SKI: variants seen among roughly 807,000 people sequenced by gnomAD.
SKI encodes ski oncogene.
A neutral mutation model predicts 59.3 loss-of-function variants in SKI; 23 were observed. The observed-to-expected ratio is 0.39, with a 90% CI of 0.28 to 0.55. The LOEUF (loss-of-function observed/expected upper bound fraction) is 0.55, where lower values mean the gene tolerates loss of function less well. Among genes scored for constraint, SKI ranks in the 20% least tolerant of loss-of-function variants. SKI has a pLI of 0.67. For synonymous variants in SKI, 673 were observed against 488.6 expected (o/e 1.38, Z -4.98); for missense variants, 1,017 against 1,038.9 (o/e 0.98, Z 0.29).
intron 1 of SKI, among the ~76,000 whole-genome samples, chr1:2,265,488 C>G (rs957037691): frequency 6.6e-6 from 1 of 152,098 alleles, no homozygotes; most frequent in Non-Finnish European, 1.5e-5. Context: ...CTTTATTTTA[C>G]TCTTTTAAAT....
At chr1:2,236,360 G>C (rs897775943) in intron 1 of SKI, among the ~76,000 whole-genome samples, 7 of 152,170 alleles carry the variant, frequency 4.6e-5, no homozygotes, top group Non-Finnish European at 8.8e-5. Flanking sequence ...TTTATTGGCA[G>C]GTCCATTCTT....
chr1:2,306,421 C>A (rs566482349), intron 6 of SKI, among the ~76,000 whole-genome samples, 156 bp from the exon 7 acceptor site: 153 of 152,294 alleles, frequency 1.0e-3, no homozygotes, highest in Non-Finnish European at 1.9e-3. Flanking sequence ...CTGGGCCCTG[C>A]GTCTCGTGAG....
chr1:2,232,751 C>A (rs571561972), intron 1 of SKI: 1 of 152,506 alleles, frequency 6.6e-6, no homozygotes, highest in South Asian at 2.1e-4. Context: ...CCCACACTGG[C>A]TTTGTGACCT....
intron 1 of SKI, among the ~76,000 whole-genome samples, chr1:2,243,963 TC>T (rs989456372): frequency 3.3e-5 from 5 of 152,012 alleles, no homozygotes; most frequent in African/African-American, 1.2e-4. Context: ...AACTTTTCTT[TC>T]TTTCTTTCTT....
chr1:2,296,543 C>T (rs968962814), intron 1 of SKI, among the ~76,000 whole-genome samples: 2 of 152,148 alleles, frequency 1.3e-5, no homozygotes, highest in Non-Finnish European at 1.5e-5. Context: ...AATGGCTACT[C>T]GAATTCTCTC....
chr1:2,297,121 T>C (rs1320317686), intron 1 of SKI, among the ~76,000 whole-genome samples: 1 of 151,906 alleles, frequency 6.6e-6, no homozygotes, highest in Non-Finnish European at 1.5e-5. Context: ...AAAGTTTGTG[T>C]TTGGAGACAC....
intron 1 of SKI, among the ~76,000 whole-genome samples, chr1:2,246,161 A>G (rs1638990487): frequency 6.6e-6 from 1 of 152,208 alleles, no homozygotes; most frequent in Admixed American, 6.5e-5. Context: ...TCCCAGCAAC[A>G]GCGTTCGAGC....
At chr1:2,230,523 C>G (rs546446406) in intron 1 of SKI, among the ~76,000 whole-genome samples, 1 of 152,290 alleles carries the variant, frequency 6.6e-6, no homozygotes, top group East Asian at 1.9e-4. Flanking sequence ...GCTTTGGACT[C>G]ACCCATTTCC....
chr1:2,283,665 T>C (rs970672804), intron 1 of SKI, among the ~76,000 whole-genome samples: 4 of 152,180 alleles, frequency 2.6e-5, no homozygotes, highest in Non-Finnish European at 5.9e-5. Context: ...CCCAGGGGGC[T>C]TCAGGGAGCT....
intron 5 of SKI, 57 bp from the exon 6 acceptor site, chr1:2,305,963 G>T: frequency 7.6e-7 from 1 of 1,316,014 alleles, no homozygotes; most frequent in Non-Finnish European, 1.1e-6. Flanking sequence ...GCTGGTCATG[G>T]TGAGGGGTGT....
At chr1:2,263,550 TTA>T (rs1639432224) in intron 1 of SKI, among the ~76,000 whole-genome samples, 1 of 151,888 alleles carries the variant, frequency 6.6e-6, no homozygotes, top group Non-Finnish European at 1.5e-5. Context: ...ATTTTTGCAT[TTA>T]TATTCATGAG....
rs564592446 is a variant in SKI at position 2,296,110 on chromosome 1, C to T, written c.970-6868C>T. Among the ~76,000 whole-genome samples, 20 of 151,946 alleles carry T rather than the reference C, an allele frequency of 1.3e-4. No homozygotes were observed. The East Asian group carries it at 2.3e-3, about 18-fold the overall frequency. On this transcript the variant is annotated intron_variant, in intron 1 of 6. Transcript: ENST00000378536. ...CCAAACTAAAAAATTCTAGGCCAGG[C>T]GCTCATGCCTGTAGTCCCAGCAATT...
At chr1:2,247,050 G>A (rs887246502) in intron 1 of SKI, among the ~76,000 whole-genome samples, 3 of 152,118 alleles carry the variant, frequency 2.0e-5, no homozygotes, top group African/African-American at 7.2e-5. Context: ...GTGAAATCTC[G>A]TCTCTACTAA....
chr1:2,292,406 G>A (rs1033456208), intron 1 of SKI, among the ~76,000 whole-genome samples: 18 of 152,192 alleles, frequency 1.2e-4, no homozygotes, highest in African/African-American at 3.6e-4. Context: ...TGAGCAGTGG[G>A]GTGACCCTTC....
chr1:2,292,627 C>G (rs1050305642), intron 1 of SKI, among the ~76,000 whole-genome samples: 1 of 152,206 alleles, frequency 6.6e-6, no homozygotes, highest in Non-Finnish European at 1.5e-5. Flanking sequence ...TCATCACCCA[C>G]AGGTCCTTTT....
chr1:2,301,042 C>T (rs534101330), intron 1 of SKI, among the ~76,000 whole-genome samples: 14 of 152,318 alleles, frequency 9.2e-5, no homozygotes, highest in Middle Eastern at 3.4e-3. Context: ...GAGTCAGCGC[C>T]GGCTGTTGTG....
chr1:2,275,975 G>A (rs1447629365), intron 1 of SKI, among the ~76,000 whole-genome samples: 5 of 152,158 alleles, frequency 3.3e-5, no homozygotes, highest in Admixed American at 1.3e-4. Context: ...CTCCTGAAGG[G>A]AAATCAGGCT....
At chr1:2,239,933 G>GC (rs1557813824) in intron 1 of SKI, among the ~76,000 whole-genome samples, 1 of 152,226 alleles carries the variant, frequency 6.6e-6, no homozygotes, top group East Asian at 1.9e-4. Flanking sequence ...TAACTTCAGT[G>GC]CCCCCACCCC....
intron 1 of SKI, among the ~76,000 whole-genome samples, chr1:2,256,279 C>T (rs996432211): frequency 4.6e-5 from 7 of 152,170 alleles, no homozygotes; most frequent in African/African-American, 1.7e-4. Context: ...CTCTCTGTGT[C>T]CTTACCTCAT....
Sources: gnomAD v4.1 joint callset for allele counts (sites outside exome capture counted in the v4.1 genomes callset) on GRCh38, gnomAD v4.1.1 for gene constraint, MANE v1.5 for transcripts, NCBI Gene and HGNC (gene_info 2026-07-23, HGNC 2026-07-21) for gene names.